The following DYRK1A variants were observed in gnomAD, a reference collection of about 807,000 sequenced individuals.
DYRK1A encodes dual specificity tyrosine-phosphorylation-regulated kinase 1A.
Under a neutral mutation model 79.7 loss-of-function variants are expected in DYRK1A, and 9 were observed. The ratio of observed to expected loss-of-function variants is 0.11; its 90% confidence interval spans 0.07 to 0.20. The LOEUF is 0.20. DYRK1A is among the 10% of genes least tolerant of loss of function. The probability of loss-of-function intolerance (pLI) is 1.00; values close to 1 mark genes in which losing one functional copy is unlikely to be tolerated. For synonymous variants in DYRK1A, 349 were observed against 329.7 expected (o/e 1.06, Z -0.63); for missense variants, 622 against 956.0 (o/e 0.65, Z 4.61).
At chr21:37,408,005 C>CAA (rs5843826) in intron 1 of DYRK1A, among the ~76,000 whole-genome samples, 34 of 147,628 alleles carry the variant, frequency 2.3e-4, no homozygotes, top group South Asian at 1.3e-3. Context: ...ATGAATGCTT[C>CAA]AAAAAAAAAA....
chr21:37,379,886 A>G (rs1460454864), intron 1 of DYRK1A, among the ~76,000 whole-genome samples: 1 of 152,236 alleles, frequency 6.6e-6, no homozygotes, highest in African/African-American at 2.4e-5. Flanking sequence ...CCAAATATAG[A>G]AAAACCTGGG....
At chr21:37,426,783 G>A (rs1450356922) in intron 2 of DYRK1A, among the ~76,000 whole-genome samples, 4 of 150,480 alleles carry the variant, frequency 2.7e-5, no homozygotes, top group Admixed American at 1.3e-4. Context: ...AGCCAGGTTT[G>A]GTGGCGGGCA....
At chr21:37,400,697 TA>T (rs1231091783) in intron 1 of DYRK1A, among the ~76,000 whole-genome samples, 1 of 152,212 alleles carries the variant, frequency 6.6e-6, no homozygotes, top group Non-Finnish European at 1.5e-5. Flanking sequence ...TATCAAGTAT[TA>T]AAAATGAGTC....
chr21:37,447,213 C>A (rs1193900785), intron 2 of DYRK1A, among the ~76,000 whole-genome samples: 3 of 152,082 alleles, frequency 2.0e-5, no homozygotes, highest in African/African-American at 7.2e-5. Flanking sequence ...TGCTCATTCA[C>A]TAAAGATTTG....
intron 2 of DYRK1A, among the ~76,000 whole-genome samples, chr21:37,460,625 A>C (rs1464532418): frequency 6.6e-6 from 1 of 152,198 alleles, no homozygotes; most frequent in Non-Finnish European, 1.5e-5. Context: ...CCCTACGCTC[A>C]TTCCTAGATT....
At chr21:37,426,646 C>G (rs2050625617) in intron 2 of DYRK1A, among the ~76,000 whole-genome samples, 1 of 151,676 alleles carries the variant, frequency 6.6e-6, no homozygotes, top group Non-Finnish European at 1.5e-5. Flanking sequence ...TGTGGTGGCT[C>G]ACGCCTGTAA....
At chr21:37,499,994 GCCT>G (rs1417759583) in intron 9 of DYRK1A, among the ~76,000 whole-genome samples, 1 of 152,176 alleles carries the variant, frequency 6.6e-6, no homozygotes, top group African/African-American at 2.4e-5. Context: ...GTTCCGCATG[GCCT>G]CCTTGTGGAG....
Position 37,512,360 on chromosome 21 carries a change from T to C in DYRK1A, c.2094T>C (p.Asn698=), listed in dbSNP as rs752037724. ...ACGTTAATTTGACCGTCTACTCCAA[T>C]CCCCGCCAAGAGACTGGCATAGCTG... ...AMDVNLTVYS[N]PRQETGIAGH... Residue 698 remains asparagine, a synonymous_variant, in exon 12 of 12, where the codon AAT becomes AAC. Transcript: ENST00000647188. 1 of 1,614,158 alleles carries C rather than the reference T, an allele frequency of 6.2e-7. No homozygotes were observed. Among genetic ancestry groups the C allele is most frequent in the Non-Finnish European group, 8.5e-7 (1 of 1,180,034 alleles).
At chr21:37,496,012 C>T (rs2053256268) in intron 8 of DYRK1A, 106 bp from the exon 9 acceptor site, 1 of 1,087,952 alleles carries the variant, frequency 9.2e-7, no homozygotes, top group South Asian at 1.6e-5. Context: ...AGAGGAGTGC[C>T]AGACACACAG....
intron 7 of DYRK1A, among the ~76,000 whole-genome samples, chr21:37,492,489 A>G (rs2053129011): frequency 6.6e-6 from 1 of 152,354 alleles, no homozygotes; most frequent in South Asian, 2.1e-4. Flanking sequence ...ACAGCTCTCA[A>G]TTGAATCTTT....
chr21:37,385,069 A>G (rs1488079166), intron 1 of DYRK1A, among the ~76,000 whole-genome samples: 2 of 152,014 alleles, frequency 1.3e-5, no homozygotes, highest in Admixed American at 6.6e-5. Context: ...TGTGACAAGC[A>G]GAAGTTGGCT....
chr21:37,519,042 T>C lies in DYRK1A; in HGVS notation c.*6511T>C, dbSNP rs1428914000. ...TCCGGGAAAGGCAGAAATTGCCAGA[T>C]GTAAGTATATAAAACTTACACAGTT... On this transcript the variant is annotated 3_prime_UTR_variant, in exon 12 of 12. Coordinates refer to ENST00000647188, the MANE Select transcript of DYRK1A (RefSeq NM_001347721.2). 1 of 152,248 alleles carries C rather than the reference T, an allele frequency of 6.6e-6. No homozygotes were observed. The highest frequency in any genetic ancestry group is 1.9e-4 in the East Asian group (1 of 5,202). 9.4% of individuals were successfully genotyped at this position (152,248 alleles called of 1,614,324 possible). A position where few individuals can be genotyped will look rare whatever the true frequency, so the allele number is the denominator to read the frequency against.
rs187806286 is a variant in DYRK1A at position 37,441,715 on chromosome 21, T to A, written c.10+21331T>A. Among the ~76,000 whole-genome samples the A allele has an allele frequency of 2.5e-3, 388 of 152,276 alleles. 3 individuals carry two copies. The highest frequency in any genetic ancestry group is 8.7e-3 in the African/African-American group (362 of 41,576). On this transcript the variant is annotated intron_variant, in intron 2 of 11. Transcript: ENST00000647188. ...CTGACTTTAAAATAGATTTTGTTTG[T>A]GCATATGTTATTAACCTTACACTAC...
rs1480740843 is a variant in DYRK1A, at chr21:37,523,551, T to C, written c.*11020T>C. The C allele has an allele frequency of 6.6e-6, 1 of 152,234 alleles. No individual in the cohort carries two copies. The highest frequency in any genetic ancestry group is 1.5e-5 in the Non-Finnish European group (1 of 68,046). The allele number at this position is 152,234 out of a possible 1,614,324, so 9.4% of individuals were successfully genotyped here. ...TCAACCTGCTTTCCTGCTGCTGTTA[T>C]CACATCCTTCCAGGGCTATCGGCTG... is the stretch of plus-strand genomic sequence containing the variant. On this transcript the variant is annotated 3_prime_UTR_variant, in exon 12 of 12. Transcript: ENST00000647188.
chr21:37,448,135 C>T (rs1011290538), intron 2 of DYRK1A, among the ~76,000 whole-genome samples: 3 of 151,932 alleles, frequency 2.0e-5, no homozygotes, highest in Non-Finnish European at 2.9e-5. Flanking sequence ...AAAATGTAGT[C>T]GGGATTGTTC....
At chr21:37,455,707 A>T (rs1426198967) in intron 2 of DYRK1A, among the ~76,000 whole-genome samples, 1 of 152,054 alleles carries the variant, frequency 6.6e-6, no homozygotes, top group Non-Finnish European at 1.5e-5. Context: ...CAACTGATAG[A>T]TCTCTATTTG....
At chr21:37,457,013 TTTACTTACTTACTTACTTAC>T (rs149046084) in intron 2 of DYRK1A, among the ~76,000 whole-genome samples, 48 of 141,282 alleles carry the variant, frequency 3.4e-4, no homozygotes, top group African/African-American at 1.1e-3. Context: ...AAAAAGAAAA[TTTACTTACTTACTTACTTAC>T]TTACTTATTT....
chr21:37,377,920 A>T (rs530403050), intron 1 of DYRK1A, among the ~76,000 whole-genome samples: 19 of 152,260 alleles, frequency 1.2e-4, no homozygotes, highest in African/African-American at 3.4e-4. Context: ...TGGCCATAGG[A>T]TGTCTATTTA....
intron 1 of DYRK1A, among the ~76,000 whole-genome samples, chr21:37,378,128 T>A (rs2049584986): frequency 6.6e-6 from 1 of 152,226 alleles, no homozygotes; most frequent in Non-Finnish European, 1.5e-5. Context: ...GTTGTTTGGA[T>A]TTGCATTTCT....
Sources: allele counts gnomAD v4.1 joint callset (sites outside exome capture counted in the v4.1 genomes callset), GRCh38; gene constraint gnomAD v4.1.1; transcripts MANE v1.5; gene names NCBI Gene and HGNC (gene_info 2026-07-23, HGNC 2026-07-21).